Variants in RBM45 observed in about 807,000 individuals in gnomAD.
RBM45 encodes the protein RNA binding motif protein 45.
A neutral mutation model predicts 58.5 loss-of-function variants in RBM45; 39 were observed. The observed-to-expected ratio is 0.67, with a 90% confidence interval of 0.52 to 0.87. RBM45 has a LOEUF of 0.87. RBM45 is among the 40% of genes least tolerant of loss of function. The pLI, the probability that RBM45 is intolerant of heterozygous loss-of-function variation, is 0.00. For missense variants in RBM45, 481 were observed against 581.6 expected, an observed-to-expected ratio of 0.83 and a Z score of 1.78; for synonymous variants, 193 against 203.0, an observed-to-expected ratio of 0.95 and a Z score of 0.42.
intron 9 of RBM45, 100 bp downstream of exon 9, chr2:178,126,284 AGTT>A: frequency 1.5e-6 from 1 of 670,086 alleles, no homozygotes; most frequent in Non-Finnish European, 2.3e-6. Flanking sequence ...GTGATTTAGA[AGTT>A]GTCAGTTAAA....
chr2:178,120,786 A>T (rs1414912701), intron 4 of RBM45, among the ~76,000 whole-genome samples: 1 of 152,144 alleles, frequency 6.6e-6, no homozygotes, highest in African/African-American at 2.4e-5. Flanking sequence ...TGCTACTTTA[A>T]AATTAGGGCT....
chr2:178,131,664 T>A (rs2088006801), downstream of RBM45, among the ~76,000 whole-genome samples: 1 of 152,244 alleles, frequency 6.6e-6, no homozygotes, highest in Admixed American at 6.5e-5. Context: ...ATGATACCTC[T>A]CTACCTACAA....
rs373773035 is a variant in RBM45, at chr2:178,116,279, C to T, written c.318C>T (p.Ser106=). The T allele has an allele frequency of 4.4e-6, 7 of 1,601,520 alleles. No homozygotes were observed. The African/African-American group carries it at 6.8e-5, about 16-fold the overall frequency. Residue 106 remains serine (S), a synonymous_variant, in exon 2 of 10, where the codon TCC becomes TCT. Transcript: ENST00000286070. ...TKPIKVFIAQ[S]RSSGSHRDVE... is the part of the protein sequence containing the mutation. ...TTTCTTAGGTTTTCATTGCTCAGTC[C>T]CGATCATCTGGAAGTCACCGAGATG...
intron 1 of RBM45, 93 bp downstream of exon 1, chr2:178,112,939 G>A: frequency 7.4e-7 from 1 of 1,345,244 alleles, no homozygotes; most frequent in Admixed American, 2.2e-5. Context: ...AGGGAGGAGT[G>A]GAACATCCGT....
downstream of RBM45, among the ~76,000 whole-genome samples, chr2:178,133,273 G>A (rs1330938605): frequency 1.3e-5 from 2 of 152,136 alleles, no homozygotes; most frequent in East Asian, 1.9e-4. Flanking sequence ...TTTGATGTTT[G>A]TAAAGGATAG....
rs371573694 is a variant in RBM45 at position 178,116,344 on chromosome 2, C to A, written c.383C>A (p.Pro128Gln). 6.2e-7 allele frequency: 1 copy of A among 1,610,134 alleles called. No homozygotes were observed. The highest frequency in any genetic ancestry group is 8.5e-7 in the Non-Finnish European group (1 of 1,178,942). ...CTTACAAGAATCTTTGTTATGATAC[C>A]AAAGTCCTACACAGAAGAAGATCTG... ...EELTRIFVMIPKSYTEEDLRE... is the reference protein window; with the variant it reads ...EELTRIFVMIQKSYTEEDLRE... Residue 128 changes from proline (P) to glutamine (Q), a missense_variant, in exon 2 of 10, where the codon CCA (proline) becomes CAA (glutamine). Transcript: ENST00000286070.
chr2:178,119,563 T>G (rs940736159), intron 3 of RBM45, among the ~76,000 whole-genome samples: 1 of 152,224 alleles, frequency 6.6e-6, no homozygotes, highest in East Asian at 1.9e-4. Context: ...GTAGATTGTT[T>G]AGAAAGACAA....
At chr2:178,124,571 T>C (rs1209309505) in intron 8 of RBM45, among the ~76,000 whole-genome samples, 1 of 152,170 alleles carries the variant, frequency 6.6e-6, no homozygotes, top group East Asian at 1.9e-4. Context: ...CCCAACACTT[T>C]GGGAGGCCGA....
chr2:178,136,256 G>A (rs1306456184), intron 3 of RBM45, among the ~76,000 whole-genome samples: 1 of 152,212 alleles, frequency 6.6e-6, no homozygotes, highest in African/African-American at 2.4e-5. Context: ...CTTGCAGTGA[G>A]CCGAGATCAC....
intron 9 of RBM45, among the ~76,000 whole-genome samples, chr2:178,128,022 T>TTTTA (rs1553511966): frequency 6.9e-6 from 1 of 144,088 alleles, no homozygotes; most frequent in African/African-American, 2.6e-5. Context: ...TTTTTTTTTT[T>TTTTA]AAACACAGAA....
chr2:178,118,320 C>A, intron 3 of RBM45, 139 bp downstream of exon 3: 3 of 819,164 alleles, frequency 3.7e-6, no homozygotes, highest in Admixed American at 3.2e-5. Flanking sequence ...TATTTACAGT[C>A]CAAGGAAGAA....
chr2:178,121,439 CACACAG>C, intron 5 of RBM45, 80 bp downstream of exon 5: 2 of 572,404 alleles, frequency 3.5e-6, no homozygotes, highest in Non-Finnish European at 5.0e-6. Flanking sequence ...CACACACACA[CACACAG>C]AGTTTTGTTA....
chr2:178,122,932 G>A (rs900267630), intron 5 of RBM45, among the ~76,000 whole-genome samples: 1 of 152,032 alleles, frequency 6.6e-6, no homozygotes, highest in Non-Finnish European at 1.5e-5. Flanking sequence ...TTATAACATT[G>A]TCCCTCCCTT....
downstream of RBM45, among the ~76,000 whole-genome samples, chr2:178,132,354 GA>G (rs1183336306): frequency 1.3e-5 from 2 of 152,136 alleles, no homozygotes. Flanking sequence ...AAAAGGTAGT[GA>G]AAAATAGCCA....
intron 3 of RBM45, among the ~76,000 whole-genome samples, chr2:178,119,691 C>T (rs6737266): frequency 0.099 from 15,050 of 152,078 alleles, 806 homozygotes; most frequent in African/African-American, 0.12. Flanking sequence ...AAACTGAACC[C>T]TTGAAATATG....
chr2:178,125,060 G>A (rs573449331), intron 8 of RBM45, among the ~76,000 whole-genome samples: 7 of 152,054 alleles, frequency 4.6e-5, no homozygotes, highest in Non-Finnish European at 8.8e-5. Context: ...TTGATAGACA[G>A]GAAGCTTGTT....
rs773760009 is a variant in RBM45, at chr2:178,123,513, C to A, written c.854-9C>A. 2 of 1,557,652 alleles carry A rather than the reference C, an allele frequency of 1.3e-6. No individual in the cohort carries two copies. The highest frequency in any genetic ancestry group is 2.8e-5 in the African/African-American group (2 of 72,534). On this transcript the variant is annotated splice_polypyrimidine_tract_variant and intron_variant, in intron 5 of 9. Transcript: ENST00000286070. ...TTCCTTTTTCATTTCTGTATGTTCT[C>A]TATTTTAGGTCATGGAGTGGTTCAG...
Position 178,121,332 on chromosome 2 carries a change from G to T in RBM45, c.826G>T (p.Val276Phe). The change falls in exon 5 of 10, where the codon GTT (valine) becomes TTT (phenylalanine). Residue 276 changes from valine to phenylalanine, a missense_variant. Transcript: ENST00000286070. ...DIVPGLEYCE[V>F]QRDPYSNYGH... ...AGTACCAGGATTGGAATATTGTGAA[G>T]TTCAACGAGATCCTTATTCAAATTA... The T allele has an allele frequency of 6.4e-7, 1 of 1,568,618 alleles. No homozygotes were observed. The highest frequency in any genetic ancestry group is 8.6e-7 in the Non-Finnish European group (1 of 1,162,822).
chr2:178,133,048 G>A (rs933629603), downstream of RBM45, among the ~76,000 whole-genome samples: 1 of 152,188 alleles, frequency 6.6e-6, no homozygotes, highest in Admixed American at 6.5e-5. Context: ...CTGGCCCAAA[G>A]AGATTTCATA....
Sources: allele counts gnomAD v4.1 joint callset (sites outside exome capture counted in the v4.1 genomes callset), GRCh38; gene constraint gnomAD v4.1.1; transcripts MANE v1.5; gene names NCBI Gene and HGNC (gene_info 2026-07-23, HGNC 2026-07-21).